The following LRBA variants were observed in gnomAD, a reference collection of about 807,000 sequenced individuals.
The protein encoded by LRBA is LPS responsive beige-like anchor protein.
In LRBA, 176 loss-of-function variants were observed where a neutral mutation model predicts 330.0. The ratio of observed to expected loss-of-function variants is 0.53; its 90% CI spans 0.47 to 0.60. LRBA has a LOEUF of 0.60. Among genes scored for constraint, LRBA ranks in the 20% least tolerant of loss-of-function variants. LRBA has a pLI of 0.00. For synonymous variants in LRBA, 1,230 were observed against 1,193.0 expected (o/e 1.03, Z -0.64); for missense variants, 3,259 against 3,444.8 (o/e 0.95, Z 1.35).
At chr4:150,622,131 C>T (rs1776355326) in intron 37 of LRBA, among the ~76,000 whole-genome samples, 1 of 152,144 alleles carries the variant, frequency 6.6e-6, no homozygotes, top group Non-Finnish European at 1.5e-5. Context: ...AGGGAGGCAA[C>T]ATGTTTAAAA....
At chr4:150,340,512 C>T (rs912237568) in intron 48 of LRBA, among the ~76,000 whole-genome samples, 15 of 152,082 alleles carry the variant, frequency 9.9e-5, no homozygotes, top group African/African-American at 3.6e-4. Context: ...TGAGGATGAA[C>T]TACTTCTCTT....
intron 38 of LRBA, among the ~76,000 whole-genome samples, chr4:150,594,448 A>G (rs1392665477): frequency 6.6e-6 from 1 of 152,070 alleles, no homozygotes; most frequent in Non-Finnish European, 1.5e-5. Flanking sequence ...AAGTATTTTG[A>G]TATCTTCTGT....
intron 37 of LRBA, among the ~76,000 whole-genome samples, chr4:150,631,264 G>A (rs1387234898): frequency 6.6e-6 from 1 of 151,572 alleles, no homozygotes; most frequent in African/African-American, 2.4e-5. Flanking sequence ...ACTTAGTAAA[G>A]GGATCTCTAA....
At chr4:150,848,562 G>GAAAAAAAAAAA (rs9331496) in intron 26 of LRBA, among the ~76,000 whole-genome samples, 1 of 120,040 alleles carries the variant, frequency 8.3e-6, no homozygotes. Context: ...GGAGAAAAAA[G>GAAAAAAAAAAA]AAAAAAAAAA....
chr4:150,495,891 T>C (rs1221313781), intron 40 of LRBA, among the ~76,000 whole-genome samples: 1 of 152,196 alleles, frequency 6.6e-6, no homozygotes, highest in Non-Finnish European at 1.5e-5. Context: ...CTTGAAATCT[T>C]TACTCTCTTT....
At chr4:150,671,835 C>T (rs1014838597) in intron 37 of LRBA, among the ~76,000 whole-genome samples, 1 of 152,114 alleles carries the variant, frequency 6.6e-6, no homozygotes, top group Non-Finnish European at 1.5e-5. Flanking sequence ...TGAATCAACA[C>T]AGGGAAAGCA....
At chr4:150,286,250 C>G (rs1157927401) in intron 53 of LRBA, among the ~76,000 whole-genome samples, 4 of 152,140 alleles carry the variant, frequency 2.6e-5, no homozygotes, top group African/African-American at 9.7e-5. Flanking sequence ...ATGTGATTAT[C>G]AAGCAACAAT....
intron 36 of LRBA, among the ~76,000 whole-genome samples, chr4:150,712,203 G>A (rs981893136): frequency 4.6e-5 from 7 of 152,110 alleles, no homozygotes; most frequent in African/African-American, 1.4e-4. Context: ...CCTGGCTCAT[G>A]GGTTATTTAT....
At chr4:151,003,297 T>G (rs542912669) in intron 2 of LRBA, among the ~76,000 whole-genome samples, 1 of 150,136 alleles carries the variant, frequency 6.7e-6, no homozygotes, top group Non-Finnish European at 1.5e-5. Flanking sequence ...CTTGGGAGGC[T>G]GAGGCAGAAG....
intron 44 of LRBA, among the ~76,000 whole-genome samples, chr4:150,443,909 C>G (rs1262471888): frequency 7.5e-6 from 1 of 133,060 alleles, no homozygotes; most frequent in Non-Finnish European, 1.6e-5. Context: ...CACCTCCAAC[C>G]AAACTGACTA....
At chr4:150,952,105 A>G (rs918241734) in intron 2 of LRBA, among the ~76,000 whole-genome samples, 12 of 152,230 alleles carry the variant, frequency 7.9e-5, no homozygotes, top group African/African-American at 2.7e-4. Context: ...AATCATTCTA[A>G]GAACCAAAAA....
chr4:150,340,108 C>A (rs191582113), intron 48 of LRBA, among the ~76,000 whole-genome samples: 23 of 152,202 alleles, frequency 1.5e-4, no homozygotes, highest in Admixed American at 1.5e-3. Flanking sequence ...TGTTTGCTTC[C>A]CCTTTCACCA....
chr4:150,288,023 ACT>A (rs1748356455), intron 53 of LRBA, among the ~76,000 whole-genome samples: 2 of 146,930 alleles, frequency 1.4e-5, no homozygotes, highest in South Asian at 2.1e-4. Context: ...ACGGAGTCTC[ACT>A]CTGTCGCCCA....
At chr4:150,506,794 G>C (rs561710860) in intron 40 of LRBA, among the ~76,000 whole-genome samples, 27 of 152,272 alleles carry the variant, frequency 1.8e-4, no homozygotes, top group African/African-American at 6.5e-4. Context: ...AACTGCCCCT[G>C]TTTGCAGATG....
chr4:150,907,732 T>C lies in LRBA; in HGVS notation c.1493+602A>G, dbSNP rs1394636838. 2.0e-5 allele frequency among the ~76,000 whole-genome samples: 3 copies of C among 152,230 alleles called. No homozygotes were observed. The East Asian group carries it at 5.8e-4, about 29-fold the overall frequency. ...ATTGTTTCACTAGAATATATAGCCATGAGAAATTGAGACTCCTTTCCTACA... is the reference window on the plus strand; with the variant it reads ...ATTGTTTCACTAGAATATATAGCCACGAGAAATTGAGACTCCTTTCCTACA... On this transcript the variant is annotated intron_variant, in intron 11 of 56. Transcript: ENST00000651943.
chr4:150,731,328 A>G (rs189615384), intron 36 of LRBA, among the ~76,000 whole-genome samples: 1 of 152,316 alleles, frequency 6.6e-6, no homozygotes, highest in African/African-American at 2.4e-5. Context: ...TATTGAAGAT[A>G]TATCTGTACT....
Position 150,351,923 on chromosome 4 carries a change from G to T in LRBA, c.7195-1764C>A, listed in dbSNP as rs561666630. ...AAATTGAACAATGATATACTGTAAA[G>T]AAAAACCATAATAAATGTTATGTAA... On this transcript the variant is annotated intron_variant, in intron 47 of 56. Transcript: ENST00000651943. Among the ~76,000 whole-genome samples the T allele has an allele frequency of 1.2e-3, 178 of 152,190 alleles. 1 individual carries two copies. The highest frequency in any genetic ancestry group is 4.6e-3 in the Admixed American group (70 of 15,288).
intron 47 of LRBA, among the ~76,000 whole-genome samples, chr4:150,351,161 C>T (rs1309606326): frequency 3.3e-5 from 5 of 152,106 alleles, no homozygotes; most frequent in Non-Finnish European, 7.4e-5. Context: ...CAGCTACAAG[C>T]GTTGTGCCTA....
chr4:150,742,118 T>C (rs1732065384), intron 35 of LRBA, among the ~76,000 whole-genome samples: 1 of 140,968 alleles, frequency 7.1e-6, no homozygotes, highest in Non-Finnish European at 1.5e-5. Context: ...AGGGATAGAA[T>C]TATTATTATT....
Sources: allele counts gnomAD v4.1 joint callset (sites outside exome capture counted in the v4.1 genomes callset), GRCh38; gene constraint gnomAD v4.1.1; transcripts MANE v1.5; gene names NCBI Gene and HGNC (gene_info 2026-07-23, HGNC 2026-07-21).